Variants in POC1B observed in about 807,000 individuals in gnomAD.
POC1B encodes POC1 centriolar protein homolog B.
POC1B carries 44 observed loss-of-function variants against 60.6 expected under a neutral mutation model. The observed-to-expected ratio is 0.73, with a 90% CI of 0.57 to 0.93. The LOEUF is 0.93. POC1B is among the 40% of genes least tolerant of loss of function. The probability of loss-of-function intolerance (pLI) is 0.00; values close to 1 mark genes in which losing one functional copy is unlikely to be tolerated. For missense variants in POC1B, 555 were observed against 572.3 expected, an observed-to-expected ratio of 0.97 and a Z score of 0.31; for synonymous variants, 180 against 198.9, an observed-to-expected ratio of 0.90 and a Z score of 0.80.
chr12:89,452,196 C>A (rs1164133879), intron 10 of POC1B, among the ~76,000 whole-genome samples: 1 of 152,096 alleles, frequency 6.6e-6, no homozygotes, highest in Non-Finnish European at 1.5e-5. Context: ...GGGGATGCAG[C>A]TTAGATTCCC....
At chr12:89,524,369 G>C (rs1871222127) in intron 2 of POC1B, 2 of 1,613,888 alleles carry the variant, frequency 1.2e-6, no homozygotes, top group East Asian at 2.2e-5. Context: ...TAAAGCGGTC[G>C]AGACAAATCC....
At chr12:89,507,647 T>C (rs973258353) in intron 2 of POC1B, among the ~76,000 whole-genome samples, 5 of 152,238 alleles carry the variant, frequency 3.3e-5, no homozygotes, top group Admixed American at 2.6e-4. Context: ...AAGAAATCCC[T>C]GTTGGCAGAA....
chr12:89,521,160 G>T (rs989965848), intron 2 of POC1B: 6 of 146,680 alleles, frequency 4.1e-5, no homozygotes, highest in African/African-American at 1.5e-4. Flanking sequence ...CTGGAGTGCA[G>T]TGGCACGATC....
the POC1B span, among the ~76,000 whole-genome samples, chr12:89,411,014 T>G: frequency 2.0e-5 from 3 of 152,244 alleles, no homozygotes; most frequent in South Asian, 6.2e-4. Flanking sequence ...CAAACTCCCA[T>G]TCACAATTGC....
chr12:89,451,744 G>T (rs1010565148), intron 10 of POC1B, among the ~76,000 whole-genome samples: 3 of 152,184 alleles, frequency 2.0e-5, no homozygotes, highest in African/African-American at 4.8e-5. Context: ...CAGACTTGCT[G>T]ACTACTTTCA....
rs557877796 is a variant in POC1B at position 89,423,130 on chromosome 12, GGGTAGCT to G, written c.1333-1880_1333-1874del. Among the ~76,000 whole-genome samples, 365 of 151,968 alleles carry G rather than the reference GGGTAGCT, an allele frequency of 2.4e-3. 2 individuals carry two copies. The highest frequency in any genetic ancestry group is 8.7e-3 in the African/African-American group (359 of 41,352). On this transcript the variant is annotated intron_variant, in intron 11 of 11. Coordinates refer to ENST00000313546, the MANE Select transcript of POC1B (RefSeq NM_172240.3). ...AGTGATCTTCCCACCTCGGTCTCCT[GGGTAGCT>G]GTGACCATAGGTGCGTGCCACCCTG...
At chr12:89,450,051 T>C (rs892568100) in intron 10 of POC1B, among the ~76,000 whole-genome samples, 4 of 152,122 alleles carry the variant, frequency 2.6e-5, no homozygotes, top group Non-Finnish European at 4.4e-5. Context: ...TGTTTGGGGA[T>C]TGATGAGGGA....
intron 4 of POC1B, among the ~76,000 whole-genome samples, chr12:89,482,695 G>A (rs1868410420): frequency 6.6e-6 from 1 of 152,108 alleles, no homozygotes. Flanking sequence ...ACAAAATACT[G>A]CACACTGGGT....
At chr12:89,448,980 G>T (rs372431820) in intron 10 of POC1B, among the ~76,000 whole-genome samples, 1 of 152,064 alleles carries the variant, frequency 6.6e-6, no homozygotes, top group South Asian at 2.1e-4. Flanking sequence ...AGTACTTTCC[G>T]TTTTTTTCCC....
chr12:89,415,963 C>A (rs1238310847), downstream of POC1B, among the ~76,000 whole-genome samples: 1 of 152,222 alleles, frequency 6.6e-6, no homozygotes, highest in Non-Finnish European at 1.5e-5. Context: ...TTTGCCTATC[C>A]TATTTCTTCC....
intron 4 of POC1B, among the ~76,000 whole-genome samples, chr12:89,478,067 G>A (rs1325542666): frequency 6.6e-6 from 1 of 151,704 alleles, no homozygotes; most frequent in African/African-American, 2.4e-5. Context: ...TCTTGGAGTT[G>A]CCCACAACCA....
chr12:89,475,074 G>A (rs1883052317), intron 4 of POC1B, among the ~76,000 whole-genome samples: 2 of 152,102 alleles, frequency 1.3e-5, no homozygotes, highest in South Asian at 2.1e-4. Context: ...TTTTGTTCTA[G>A]GGAGAAGGGA....
chr12:89,441,154 G>A (rs1322401860), intron 10 of POC1B, among the ~76,000 whole-genome samples: 2 of 152,220 alleles, frequency 1.3e-5, no homozygotes, highest in Non-Finnish European at 2.9e-5. Flanking sequence ...AGCTCAAGGA[G>A]GCCTGCCCAC....
intron 3 of POC1B, 114 bp downstream of exon 3, chr12:89,497,057 T>C: frequency 9.0e-7 from 1 of 1,113,192 alleles, no homozygotes; most frequent in East Asian, 2.4e-5. Flanking sequence ...CAGCATGCCT[T>C]TTATGTGACT....
chr12:89,473,666 G>GAAAA lies in POC1B; in HGVS notation c.453-1395_453-1392dup, dbSNP rs1163868772. Among the ~76,000 whole-genome samples the GAAAA allele has an allele frequency of 3.5e-4, 38 of 109,172 alleles. 1 individual carries two copies. Among genetic ancestry groups the GAAAA allele is most frequent in the African/African-American group, 6.1e-4 (17 of 27,866 alleles). The allele number at this position is 109,172 out of a possible 152,430, so 71.6% of individuals were successfully genotyped here. A position where few individuals can be genotyped will look rare whatever the true frequency, so the allele number is the denominator to read the frequency against. ...ACAGAGCAAGACTCGCCTCAGAAAA[G>GAAAA]AAAAAAAAAAAAAAAAAAAAGTCAA... On this transcript the variant is annotated intron_variant, in intron 4 of 11. Coordinates refer to ENST00000313546, the MANE Select transcript of POC1B (RefSeq NM_172240.3).
intron 4 of POC1B, among the ~76,000 whole-genome samples, chr12:89,491,665 C>T (rs876556): frequency 0.28 from 42,620 of 149,654 alleles, 6,500 homozygotes; most frequent in Non-Finnish European, 0.35. Context: ...AAAAAAATTA[C>T]GCGCCCCCTT....
At chr12:89,409,308 A>T in the POC1B span, among the ~76,000 whole-genome samples, 1 of 152,188 alleles carries the variant, frequency 6.6e-6, no homozygotes, top group African/African-American at 2.4e-5. Context: ...TATAAGATGT[A>T]AGGAAGGGGT....
intron 4 of POC1B, among the ~76,000 whole-genome samples, chr12:89,475,924 T>A (rs1883084659): frequency 6.8e-6 from 1 of 147,850 alleles, no homozygotes; most frequent in South Asian, 2.1e-4. Flanking sequence ...TTTTTTTTTT[T>A]TTTTTTTTTT....
At position 89,526,029 on chromosome 12, in the gene POC1B, C is replaced by G; in HGVS notation, c.-134G>C. The G allele has an allele frequency of 6.5e-7, 1 of 1,536,054 alleles. No homozygotes were observed. The highest frequency in any genetic ancestry group is 8.7e-7 in the Non-Finnish European group (1 of 1,145,612). On this transcript the variant is annotated 5_prime_UTR_variant, in exon 1 of 12. Coordinates refer to ENST00000313546, the MANE Select transcript of POC1B (RefSeq NM_172240.3). The stretch of plus-strand genomic sequence containing the variant: ...GAGCGGCAGCGCCTCCCGGTCACTA[C>G]AACAACGGCGGCCCAGTCAAACCCC...
Sources: gnomAD v4.1 joint callset for allele counts (sites outside exome capture counted in the v4.1 genomes callset) on GRCh38, gnomAD v4.1.1 for gene constraint, MANE v1.5 for transcripts, NCBI Gene and HGNC (gene_info 2026-07-23, HGNC 2026-07-21) for gene names.